DPP6: variants seen among roughly 807,000 people sequenced by gnomAD.
The protein encoded by DPP6 is dipeptidyl peptidase like 6.
DPP6 carries 69 observed loss-of-function variants against 122.6 expected under a neutral mutation model. That is an observed-to-expected ratio of 0.56 (90% CI 0.46 to 0.69). The LOEUF is 0.69. Among genes scored for constraint, DPP6 ranks in the 30% least tolerant of loss-of-function variants. DPP6 has a pLI of 0.00. For synonymous variants in DPP6, 418 were observed against 433.1 expected, an observed-to-expected ratio of 0.97 and a Z score of 0.43; for missense variants, 928 against 1,116.9, an observed-to-expected ratio of 0.83 and a Z score of 2.41.
At position 153,957,341 on chromosome 7, in the gene DPP6, T is replaced by C. The variant is rs145059043; in HGVS notation, c.51+69607T>C. Among the ~76,000 whole-genome samples, 1,151 of 152,328 alleles carry C rather than the reference T, an allele frequency of 7.6e-3. 19 individuals are homozygous for C. Among genetic ancestry groups the C allele is most frequent in the African/African-American group, 0.026 (1,097 of 41,578 alleles). On this transcript the variant is annotated intron_variant, in intron 1 of 25. Transcript: ENST00000404039. ...GTCCACAGACTGTCTGCTGAATTTGTCTACAAACAGAAAACAAGGCACTGT... is the reference window on the plus strand; with the variant it reads ...GTCCACAGACTGTCTGCTGAATTTGCCTACAAACAGAAAACAAGGCACTGT...
intron 5 of DPP6, among the ~76,000 whole-genome samples, chr7:154,609,997 C>A (rs1340229676): frequency 1.3e-5 from 2 of 152,136 alleles, no homozygotes; most frequent in African/African-American, 4.8e-5. Context: ...AAACTAAAAA[C>A]AATCCATTCA....
intron 1 of DPP6, among the ~76,000 whole-genome samples, chr7:154,087,752 A>G (rs1382166838): frequency 6.6e-6 from 1 of 152,224 alleles, no homozygotes; most frequent in Non-Finnish European, 1.5e-5. Context: ...CCAGTGGTCA[A>G]GTAAACATGG....
intron 5 of DPP6, among the ~76,000 whole-genome samples, chr7:154,616,773 C>T (rs377623204): frequency 3.6e-4 from 55 of 152,282 alleles, no homozygotes; most frequent in African/African-American, 1.3e-3. Context: ...CGTGAGCATT[C>T]GCCTCCAGGG....
intron 1 of DPP6, among the ~76,000 whole-genome samples, chr7:154,437,453 C>T (rs1045438543): frequency 2.0e-5 from 3 of 152,146 alleles, no homozygotes; most frequent in African/African-American, 7.2e-5. Context: ...AAATTAGCTT[C>T]CTCCTGTCAC....
At chr7:154,874,507 T>C (rs772570783) in intron 19 of DPP6, among the ~76,000 whole-genome samples, 1 of 152,212 alleles carries the variant, frequency 6.6e-6, no homozygotes, top group African/African-American at 2.4e-5. Flanking sequence ...CTGGAGTCCC[T>C]GAGCCCCTGC....
intron 6 of DPP6, among the ~76,000 whole-genome samples, chr7:154,644,641 G>A (rs934859530): frequency 6.6e-6 from 1 of 152,072 alleles, no homozygotes; most frequent in Admixed American, 6.6e-5. Flanking sequence ...ACAGAACTAG[G>A]ATTGTGTGTG....
At chr7:153,923,774 A>AAAAG in intron 1 of DPP6, among the ~76,000 whole-genome samples, 1 of 151,052 alleles carries the variant, frequency 6.6e-6, no homozygotes, top group African/African-American at 2.4e-5. Context: ...AAAAAAAAAA[A>AAAAG]AAAAAAAAGA....
At chr7:154,373,728 A>T (rs537783349) in intron 1 of DPP6, among the ~76,000 whole-genome samples, 2 of 151,898 alleles carry the variant, frequency 1.3e-5, no homozygotes, top group Admixed American at 1.3e-4. Flanking sequence ...TCCACCATCC[A>T]TCTCCAGGGC....
intron 3 of DPP6, among the ~76,000 whole-genome samples, chr7:154,529,070 T>C (rs1446787735): frequency 6.6e-6 from 1 of 152,142 alleles, no homozygotes; most frequent in African/African-American, 2.4e-5. Context: ...TTTGTCTGCA[T>C]AGAGAATGGA....
At chr7:154,639,539 A>G (rs767753384) in intron 6 of DPP6, among the ~76,000 whole-genome samples, 1 of 152,202 alleles carries the variant, frequency 6.6e-6, no homozygotes, top group Non-Finnish European at 1.5e-5. Context: ...GAAACTCTAA[A>G]AGCAGTTGAT....
At chr7:154,183,182 A>C (rs1052257611) in intron 1 of DPP6, among the ~76,000 whole-genome samples, 2 of 152,022 alleles carry the variant, frequency 1.3e-5, no homozygotes, top group African/African-American at 4.8e-5. Flanking sequence ...CTTTGGTTTC[A>C]TGAAGCTGAT....
At chr7:154,202,652 C>T (rs1472101051) in intron 1 of DPP6, among the ~76,000 whole-genome samples, 2 of 152,154 alleles carry the variant, frequency 1.3e-5, no homozygotes, top group Non-Finnish European at 2.9e-5. Flanking sequence ...CATGTCGGCT[C>T]CTGTGAACCC....
chr7:154,120,463 C>T (rs1205767209), intron 1 of DPP6, among the ~76,000 whole-genome samples: 1 of 152,078 alleles, frequency 6.6e-6, no homozygotes, highest in Non-Finnish European at 1.5e-5. Flanking sequence ...CCAGGATGGT[C>T]TTGATCTCTT....
rs1204231290 is a variant in DPP6, at chr7:154,060,420, A to AC, written c.243+7363dup. On this transcript the variant is annotated intron_variant, in intron 1 of 25. Transcript: ENST00000377770. ...GACCCCCATCGCAGAGGGGGGAGGCACCCCCCGCGAGGCGGGGACTGCGAG... is the reference window on the plus strand; with the variant it reads ...GACCCCCATCGCAGAGGGGGGAGGCACCCCCCCGCGAGGCGGGGACTGCGAG... Among the ~76,000 whole-genome samples, 15 of 124,834 alleles carry AC rather than the reference A, an allele frequency of 1.2e-4. 1 individual carries two copies. Among genetic ancestry groups the AC allele is most frequent in the African/African-American group, 5.1e-4 (15 of 29,434 alleles). The allele number at this position is 124,834 out of a possible 152,430, so 81.9% of individuals were successfully genotyped here. A position where few individuals can be genotyped will look rare whatever the true frequency, so the allele number is the denominator to read the frequency against.
the DPP6 span, among the ~76,000 whole-genome samples, chr7:153,863,754 C>G: frequency 8.1e-4 from 123 of 152,288 alleles, no homozygotes; most frequent in Non-Finnish European, 1.5e-3. Flanking sequence ...CCAGACCAAG[C>G]AGCTGCTGCT....
chr7:154,424,663 T>C (rs759093925), intron 1 of DPP6, among the ~76,000 whole-genome samples: 5 of 152,236 alleles, frequency 3.3e-5, no homozygotes, highest in Non-Finnish European at 7.3e-5. Context: ...CCAGTTCACG[T>C]AACGTAGCCA....
chr7:154,239,327 G>T lies in DPP6; in HGVS notation c.243+186264G>T, dbSNP rs576579175. On this transcript the variant is annotated intron_variant, in intron 1 of 25. Transcript: ENST00000377770. ...TACAGTTGACCCTTGAACAACACGG[G>T]TTTGAACGGAGCAGTTCCACTTATA... 1.4e-4 allele frequency among the ~76,000 whole-genome samples: 22 copies of T among 152,268 alleles called. No homozygotes were observed. The South Asian group carries it at 3.3e-3, about 23-fold the overall frequency.
chr7:154,762,601 C>T (rs1474844537), intron 8 of DPP6, among the ~76,000 whole-genome samples: 2 of 152,178 alleles, frequency 1.3e-5, no homozygotes, highest in Non-Finnish European at 2.9e-5. Flanking sequence ...AGCCTCTGCA[C>T]AACACTGGCC....
At chr7:154,005,031 C>A (rs560248375) in intron 1 of DPP6, among the ~76,000 whole-genome samples, 3 of 151,228 alleles carry the variant, frequency 2.0e-5, no homozygotes, top group East Asian at 1.9e-4. Context: ...AATGAGGGTA[C>A]AATCAGACCT....
Sources: gnomAD v4.1 joint callset for allele counts (sites outside exome capture counted in the v4.1 genomes callset) on GRCh38, gnomAD v4.1.1 for gene constraint, MANE v1.5 for transcripts, NCBI Gene and HGNC (gene_info 2026-07-23, HGNC 2026-07-21) for gene names.